CASTOR2: variants seen among roughly 807,000 people sequenced by gnomAD.
CASTOR2 encodes GATS protein like 2.
A neutral mutation model predicts 31.2 loss-of-function variants in CASTOR2; 8 were observed. The ratio of observed to expected loss-of-function variants is 0.26; its 90% confidence interval spans 0.15 to 0.46. The LOEUF (loss-of-function observed/expected upper bound fraction) is 0.46, where lower values mean the gene tolerates loss of function less well. Among genes scored for constraint, CASTOR2 ranks in the 20% least tolerant of loss-of-function variants. The pLI is 0.99. For missense variants in CASTOR2, 216 were observed against 382.1 expected (o/e 0.57, Z 3.62); for synonymous variants, 162 against 158.7 (o/e 1.02, Z -0.16).
chr7:74,987,391 C>T (rs1804093960), intron 1 of CASTOR2, among the ~76,000 whole-genome samples: 1 of 148,452 alleles, frequency 6.7e-6, no homozygotes, highest in Non-Finnish European at 1.5e-5. Context: ...GAGTGAGATT[C>T]TGTCTCAAAA....
rs1253908995 is a variant in CASTOR2 at position 75,026,516 on chromosome 7, G to A, written c.*1817G>A. Among the ~76,000 whole-genome samples the A allele has an allele frequency of 3.3e-5, 5 of 152,274 alleles. No homozygotes were observed. In the East Asian group the frequency reaches 9.6e-4, roughly 29 times the overall value. ...AGTTGTGCTGTTTCTGTGGTCAGAG[G>A]AGAAGGGATATTTTCTAGTCCTGAC... On this transcript the variant is annotated 3_prime_UTR_variant, in exon 9 of 9. Transcript: ENST00000616305.
chr7:74,971,113 A>G (rs1461107311), intron 1 of CASTOR2, among the ~76,000 whole-genome samples: 2 of 148,882 alleles, frequency 1.3e-5, no homozygotes, highest in African/African-American at 2.5e-5. Context: ...CTCCTGCCTC[A>G]GCCTCTGGAG....
intron 1 of CASTOR2, among the ~76,000 whole-genome samples, chr7:74,996,724 T>TTTG (rs1476494966): frequency 9.6e-6 from 1 of 104,034 alleles, no homozygotes; most frequent in Non-Finnish European, 2.0e-5. Context: ...GCTTTTTTTT[T>TTTG]TTTTTTTTTT....
intron 1 of CASTOR2, among the ~76,000 whole-genome samples, chr7:74,996,795 C>A (rs1299202959): frequency 8.3e-6 from 1 of 120,406 alleles, no homozygotes; most frequent in Non-Finnish European, 1.6e-5. Flanking sequence ...GTGGCGCGAT[C>A]TCGGCTCACT....
rs1285135583 is a variant in CASTOR2, at chr7:75,017,698, C to T, written c.285C>T (p.Gly95=). 3.3e-5 allele frequency: 54 copies of T among 1,614,014 alleles called. No homozygotes were observed. Among genetic ancestry groups the T allele is most frequent in the Admixed American group, 3.2e-4 (19 of 60,016 alleles). The change falls in exon 3 of 9, where the codon GGC becomes GGT. Residue 95 remains glycine, a synonymous_variant. Coordinates refer to ENST00000616305, the MANE Select transcript of CASTOR2 (RefSeq NM_001145064.3). ...GCTTCTCCAGCTCCCAGCCCATCGG[C>T]GTGACCAAGATCGCCAAGTCAGTCA... ...GGSFSSSQPI[G]VTKIAKSVIA...
chr7:74,984,363 G>A (rs1210936361), intron 1 of CASTOR2, among the ~76,000 whole-genome samples: 3 of 151,638 alleles, frequency 2.0e-5, no homozygotes, highest in Non-Finnish European at 4.4e-5. Context: ...TCGTCGGGCT[G>A]GAAATGGGAA....
intron 2 of CASTOR2, among the ~76,000 whole-genome samples, chr7:75,012,197 G>A (rs1804766543): frequency 6.6e-6 from 1 of 152,152 alleles, no homozygotes; most frequent in South Asian, 2.1e-4. Flanking sequence ...ACTCTCAGGG[G>A]GCTGTGGCAG....
chr7:74,994,134 GTTC>G (rs1246420173), intron 1 of CASTOR2, among the ~76,000 whole-genome samples: 1 of 152,286 alleles, frequency 6.6e-6, no homozygotes, highest in East Asian at 1.9e-4. Flanking sequence ...AGATGGGAAT[GTTC>G]TTCTCAGAGA....
intron 1 of CASTOR2, among the ~76,000 whole-genome samples, chr7:74,984,383 T>TCGTTGGAAGTGGTGAGGCG (rs2131924078): frequency 6.6e-6 from 1 of 151,752 alleles, no homozygotes; most frequent in South Asian, 2.1e-4. Context: ...AGCGTTTGGC[T>TCGTTGGAAGTGGTGAGGCG]CGTTGGAAGT....
At chr7:75,009,558 G>A (rs587769623) in intron 2 of CASTOR2, among the ~76,000 whole-genome samples, 155 of 151,820 alleles carry the variant, frequency 1.0e-3, no homozygotes, top group East Asian at 3.1e-3. Flanking sequence ...GTGAGCCACC[G>A]CGCCCGGCCC....
At chr7:74,992,506 C>T (rs1186777939) in intron 1 of CASTOR2, among the ~76,000 whole-genome samples, 3 of 152,094 alleles carry the variant, frequency 2.0e-5, no homozygotes, top group African/African-American at 7.2e-5. Context: ...GTGGCATGAT[C>T]TCGGCTCACT....
rs1324629624 is a variant in CASTOR2 at position 75,029,360 on chromosome 7, ATC to A, written c.*4663_*4664del. On this transcript the variant is annotated 3_prime_UTR_variant, in exon 9 of 9. Coordinates refer to ENST00000616305, the MANE Select transcript of CASTOR2 (RefSeq NM_001145064.3). ...AGCACCTCAGCCCTGCAATGGGGGG[ATC>A]TTTTTTTTTTTTTTTTTTTGAGACA... Among the ~76,000 whole-genome samples the A allele has an allele frequency of 3.1e-5, 4 of 128,494 alleles. No homozygotes were observed. The highest frequency in any genetic ancestry group is 6.6e-5 in the Non-Finnish European group (4 of 60,990). The allele number at this position is 128,494 out of a possible 152,430, so 84.3% of individuals were successfully genotyped here. A position where few individuals can be genotyped will look rare whatever the true frequency, so the allele number is the denominator to read the frequency against.
At position 75,011,748 on chromosome 7, in the gene CASTOR2, C is replaced by CCA. The variant is rs1554439469; in HGVS notation, c.184+3684_184+3685insCA. Among the ~76,000 whole-genome samples the CCA allele has an allele frequency of 1.8e-5, 2 of 109,800 alleles. 1 individual carries two copies. The highest frequency in any genetic ancestry group is 6.9e-5 in the African/African-American group (2 of 28,862). The allele number at this position is 109,800 out of a possible 152,430, so 72.0% of individuals were successfully genotyped here. On this transcript the variant is annotated intron_variant, in intron 2 of 8. Coordinates refer to ENST00000616305, the MANE Select transcript of CASTOR2 (RefSeq NM_001145064.3). ...GTCTCAAAAAAAAAAAAAAAAAAAC[C>CCA]AAAAAAAAAAGGAGTTCGAGACCAG...
In CASTOR2 at chr7:75,026,189, G is replaced by GTTTTTTTTTTTTTTGTT. The variant is rs1805125342; in HGVS notation, c.*1504_*1505insGTTTTTTTTTTTTTTTT. On this transcript the variant is annotated 3_prime_UTR_variant, in exon 9 of 9. Transcript: ENST00000616305. The stretch of plus-strand genomic sequence containing the variant: ...CCCTGTGGTTTTGGCTCTGGCGGGG[G>GTTTTTTTTTTTTTTGTT]TTTTTTTTTTTTTTTTTGAGATGGG... Among the ~76,000 whole-genome samples, 1 of 117,744 alleles carries GTTTTTTTTTTTTTTGTT rather than the reference G, an allele frequency of 8.5e-6. No homozygotes were observed. The highest frequency in any genetic ancestry group is 1.8e-5 in the Non-Finnish European group (1 of 56,722). The allele number at this position is 117,744 out of a possible 152,430, so 77.2% of individuals were successfully genotyped here.
chr7:75,009,931 G>C (rs1289891202), intron 2 of CASTOR2, among the ~76,000 whole-genome samples: 1 of 136,336 alleles, frequency 7.3e-6, no homozygotes, highest in African/African-American at 2.8e-5. Flanking sequence ...TTGCTATGTT[G>C]CCCAGGCTGG....
At position 75,020,126 on chromosome 7, in the gene CASTOR2, G is replaced by A. The variant is rs1016128929; in HGVS notation, c.723G>A (p.Val241=). The change falls in exon 6 of 9, where the codon GTG becomes GTA. Residue 241 remains valine (V), a synonymous_variant. Coordinates refer to ENST00000616305, the MANE Select transcript of CASTOR2 (RefSeq NM_001145064.3). ...TCATCGAGGGCTACATCTCCCTGGT[G>A]ATGGACGTGCAGACGCAGCAGAGGT... ...FSLIEGYISL[V]MDVQTQQRFP... The A allele has an allele frequency of 2.8e-4, 430 of 1,551,424 alleles. No individual in the cohort carries two copies. The highest frequency in any genetic ancestry group is 3.1e-4 in the Non-Finnish European group (355 of 1,146,858).
Position 75,029,606 on chromosome 7 carries a change from A to C in CASTOR2, c.*4907A>C, listed in dbSNP as rs1387845218. On this transcript the variant is annotated 3_prime_UTR_variant, in exon 9 of 9. Transcript: ENST00000616305. ...TGATCCGCCCACCTTGGCCTCCCAA[A>C]GTGCTGGGATTACAGGCATGAGATA... Among the ~76,000 whole-genome samples, 4 of 151,970 alleles carry C rather than the reference A, an allele frequency of 2.6e-5. No individual in the cohort carries two copies. Among genetic ancestry groups the C allele is most frequent in the African/African-American group, 9.7e-5 (4 of 41,366 alleles).
At chr7:75,003,489 G>A (rs1265846330) in intron 1 of CASTOR2, among the ~76,000 whole-genome samples, 39 of 151,454 alleles carry the variant, frequency 2.6e-4, no homozygotes, top group African/African-American at 7.8e-4. Context: ...GGTGGCTCAC[G>A]CCTATAATCC....
At chr7:74,971,035 G>C (rs1166855691) in intron 1 of CASTOR2, among the ~76,000 whole-genome samples, 4 of 150,724 alleles carry the variant, frequency 2.7e-5, no homozygotes, top group Admixed American at 2.0e-4. Context: ...TCACTTGGTC[G>C]CCCAGGCTGG....
Sources: gnomAD v4.1 joint callset for allele counts (sites outside exome capture counted in the v4.1 genomes callset) on GRCh38, gnomAD v4.1.1 for gene constraint, MANE v1.5 for transcripts, NCBI Gene and HGNC (gene_info 2026-07-23, HGNC 2026-07-21) for gene names.